SMCO4: variants seen among roughly 807,000 people sequenced by gnomAD.
SMCO4 encodes single-pass membrane and coiled-coil domain-containing protein 4.
SMCO4 carries 4 observed loss-of-function variants against 3.6 expected under a neutral mutation model. That is an observed-to-expected ratio of 1.11 (90% CI 0.54 to 2.53). SMCO4 has a LOEUF of 2.53. SMCO4 is among the 30% of genes most tolerant of loss of function. The probability of loss-of-function intolerance (pLI) is 0.02; values close to 1 mark genes in which losing one functional copy is unlikely to be tolerated. For missense variants in SMCO4, 70 were observed against 80.8 expected (o/e 0.87, Z 0.51); for synonymous variants, 36 against 35.3 (o/e 1.02, Z -0.07).
intron 2 of SMCO4, among the ~76,000 whole-genome samples, chr11:93,498,461 C>A (rs1158974949): frequency 1.3e-5 from 2 of 152,064 alleles, no homozygotes; most frequent in African/African-American, 4.8e-5. Flanking sequence ...TAAAGCCCCC[C>A]ACATGCAACC....
chr11:93,542,604 C>T (rs2134644843), intron 1 of SMCO4, among the ~76,000 whole-genome samples: 1 of 152,296 alleles, frequency 6.6e-6, no homozygotes, highest in East Asian at 1.9e-4. Flanking sequence ...CCTCCTCCAC[C>T]CACCCCGTAC....
intron 2 of SMCO4, among the ~76,000 whole-genome samples, chr11:93,490,960 G>A (rs1167071476): frequency 1.3e-5 from 2 of 152,182 alleles, no homozygotes; most frequent in East Asian, 1.9e-4. Context: ...GACAGTCTTC[G>A]CTACCTTGAT....
chr11:93,481,095 C>T (rs1308618873), intron 2 of SMCO4, among the ~76,000 whole-genome samples: 1 of 152,112 alleles, frequency 6.6e-6, no homozygotes, highest in African/African-American at 2.4e-5. Context: ...GTATAGGAAC[C>T]CCTGGCTTTA....
chr11:93,518,497 C>A (rs1949029838), intron 1 of SMCO4, among the ~76,000 whole-genome samples: 1 of 152,154 alleles, frequency 6.6e-6, no homozygotes, highest in African/African-American at 2.4e-5. Flanking sequence ...GTCTTATGAT[C>A]ATTCTATGTT....
At chr11:93,547,910 C>A (rs1949325288), upstream of SMCO4, among the ~76,000 whole-genome samples, 1 of 152,184 alleles carries the variant, frequency 6.6e-6, no homozygotes, top group African/African-American at 2.4e-5. Context: ...TTGTGCTATG[C>A]TGTACTGTCC....
intron 1 of SMCO4, among the ~76,000 whole-genome samples, chr11:93,514,413 T>TATATATATGTATATATATATATAC (rs1948989483): frequency 5.9e-5 from 2 of 33,950 alleles, no homozygotes; most frequent in African/African-American, 1.9e-4. Flanking sequence ...TATATATATA[T>TATATATATGTATATATATATATAC]ATATATATAA....
At chr11:93,522,222 C>G (rs542677169) in intron 1 of SMCO4, among the ~76,000 whole-genome samples, 1 of 152,202 alleles carries the variant, frequency 6.6e-6, no homozygotes, top group African/African-American at 2.4e-5. Context: ...CATATCCGAT[C>G]TGTGAAGGGT....
intron 1 of SMCO4, among the ~76,000 whole-genome samples, chr11:93,524,104 GA>G (rs1949084462): frequency 6.6e-6 from 1 of 152,114 alleles, no homozygotes; most frequent in African/African-American, 2.4e-5. Context: ...CATCCTGGTT[GA>G]AAAATAAAAA....
chr11:93,547,411 G>C (rs150648443), upstream of SMCO4, among the ~76,000 whole-genome samples: 1 of 152,138 alleles, frequency 6.6e-6, no homozygotes, highest in Non-Finnish European at 1.5e-5. Flanking sequence ...ATAATCTCTC[G>C]GGCCTTGCCT....
chr11:93,481,318 C>T (rs957046593), intron 2 of SMCO4: 12 of 468,688 alleles, frequency 2.6e-5, no homozygotes, highest in South Asian at 8.9e-5. Flanking sequence ...TCTGCCCGCC[C>T]GCAGGGACGC....
At chr11:93,517,551 A>T (rs561688347) in intron 1 of SMCO4, among the ~76,000 whole-genome samples, 1 of 152,240 alleles carries the variant, frequency 6.6e-6, no homozygotes, top group African/African-American at 2.4e-5. Context: ...ATCAACTCCA[A>T]TTTCTCTAGT....
chr11:93,542,820 G>A (rs1181586602), intron 1 of SMCO4, among the ~76,000 whole-genome samples: 14 of 152,006 alleles, frequency 9.2e-5, no homozygotes, highest in Admixed American at 2.6e-4. Flanking sequence ...GAGACCCTGA[G>A]CGCACCCCTT....
chr11:93,503,749 T>G (rs1381947604), intron 1 of SMCO4, among the ~76,000 whole-genome samples: 1 of 152,130 alleles, frequency 6.6e-6, no homozygotes, highest in Non-Finnish European at 1.5e-5. Flanking sequence ...GTGGAACAGA[T>G]TCTCCCCTAG....
intron 1 of SMCO4, among the ~76,000 whole-genome samples, chr11:93,543,015 C>T (rs1949284037): frequency 6.6e-6 from 1 of 151,856 alleles, no homozygotes; most frequent in Non-Finnish European, 1.5e-5. Flanking sequence ...CCGCAGCAAC[C>T]GGGATGCAGC....
upstream of SMCO4, among the ~76,000 whole-genome samples, chr11:93,548,314 C>A (rs537929754): frequency 4.1e-4 from 62 of 152,286 alleles, no homozygotes; most frequent in African/African-American, 1.5e-3. Flanking sequence ...AAAAAGTTGA[C>A]AGCCTCAGTT....
At chr11:93,515,515 T>C (rs568874987) in intron 1 of SMCO4, among the ~76,000 whole-genome samples, 7 of 152,348 alleles carry the variant, frequency 4.6e-5, no homozygotes, top group African/African-American at 1.7e-4. Context: ...TCAGGACCCT[T>C]GGTTATAAGT....
chr11:93,509,182 T>C (rs1195132651), intron 1 of SMCO4, among the ~76,000 whole-genome samples: 1 of 151,520 alleles, frequency 6.6e-6, no homozygotes, highest in African/African-American at 2.4e-5. Context: ...TCTCAGATAC[T>C]CGGGAGGCCA....
intron 1 of SMCO4, among the ~76,000 whole-genome samples, chr11:93,504,777 AC>A (rs1230276135): frequency 6.6e-6 from 1 of 152,210 alleles, no homozygotes; most frequent in Non-Finnish European, 1.5e-5. Context: ...CTGGATCAAA[AC>A]AGAAAGATGT....
the SMCO4 span, among the ~76,000 whole-genome samples, chr11:93,551,426 G>T: frequency 7.2e-5 from 11 of 152,136 alleles, no homozygotes; most frequent in African/African-American, 2.4e-4. Context: ...ACTTCTCGGT[G>T]CATCATTGCT....
Sources: gnomAD v4.1 joint callset for allele counts (sites outside exome capture counted in the v4.1 genomes callset) on GRCh38, gnomAD v4.1.1 for gene constraint, MANE v1.5 for transcripts, NCBI Gene and HGNC (gene_info 2026-07-23, HGNC 2026-07-21) for gene names.